Variants in EXOC2 observed in about 807,000 individuals in gnomAD.
EXOC2 encodes the protein SEC5-like 1.
A neutral mutation model predicts 131.8 loss-of-function variants in EXOC2; 70 were observed. The observed-to-expected ratio is 0.53, with a 90% CI of 0.44 to 0.65. The LOEUF (loss-of-function observed/expected upper bound fraction) is 0.65, where lower values mean the gene tolerates loss of function less well. EXOC2 is among the 30% of genes least tolerant of loss of function. The probability of loss-of-function intolerance (pLI) is 0.00; values close to 1 mark genes in which losing one functional copy is unlikely to be tolerated. For synonymous variants in EXOC2, 411 were observed against 398.4 expected (o/e 1.03, Z -0.38); for missense variants, 923 against 1,108.6 (o/e 0.83, Z 2.38).
At chr6:651,978 C>T (rs55762904) in intron 1 of EXOC2, among the ~76,000 whole-genome samples, 2,685 of 151,688 alleles carry the variant, frequency 0.018, 35 homozygotes, top group Non-Finnish European at 0.026. Context: ...ATCGCTTGAA[C>T]CCGGGAGGCG....
intron 25 of EXOC2, among the ~76,000 whole-genome samples, chr6:495,332 G>C (rs1345348892): frequency 6.6e-6 from 1 of 151,222 alleles, no homozygotes; most frequent in Non-Finnish European, 1.5e-5. Context: ...CACCGTGTTA[G>C]CCAGGATGGT....
At chr6:634,154 C>T (rs1761988799) in intron 2 of EXOC2, among the ~76,000 whole-genome samples, 1 of 152,138 alleles carries the variant, frequency 6.6e-6, no homozygotes, top group African/African-American at 2.4e-5. Context: ...CAACCTCCAT[C>T]TCCCACGCTC....
At chr6:516,363 G>C (rs544412147) in intron 23 of EXOC2, among the ~76,000 whole-genome samples, 6 of 152,190 alleles carry the variant, frequency 3.9e-5, no homozygotes, top group Non-Finnish European at 8.8e-5. Context: ...TGCAGCGCTC[G>C]TTGTCAGCTT....
chr6:504,465 C>T (rs140475305), intron 23 of EXOC2, among the ~76,000 whole-genome samples: 295 of 152,312 alleles, frequency 1.9e-3, no homozygotes, highest in African/African-American at 6.6e-3. Flanking sequence ...GGGCCAGTGA[C>T]GGTGACAGAG....
chr6:574,372 CA>C (rs1758464736), intron 12 of EXOC2, among the ~76,000 whole-genome samples: 1 of 151,860 alleles, frequency 6.6e-6, no homozygotes, highest in South Asian at 2.1e-4. Context: ...CATCAATGAA[CA>C]AACAAACATA....
chr6:603,725 T>G (rs1561913676), intron 7 of EXOC2, among the ~76,000 whole-genome samples: 1 of 152,226 alleles, frequency 6.6e-6, no homozygotes, highest in African/African-American at 2.4e-5. Context: ...TTCCAAATCC[T>G]TAGCATTCTT....
At chr6:607,422 T>C (rs1760479359) in intron 7 of EXOC2, among the ~76,000 whole-genome samples, 1 of 152,190 alleles carries the variant, frequency 6.6e-6, no homozygotes, top group Non-Finnish European at 1.5e-5. Context: ...GAGGACTAAA[T>C]ATACCTAGAT....
intron 22 of EXOC2, among the ~76,000 whole-genome samples, chr6:544,377 T>C (rs368270522): frequency 3.3e-5 from 5 of 152,178 alleles, no homozygotes; most frequent in African/African-American, 9.7e-5. Flanking sequence ...CCTTCCTGTT[T>C]GAACAAGAAA....
At chr6:601,094 A>G (rs1282471485) in intron 7 of EXOC2, among the ~76,000 whole-genome samples, 2 of 152,224 alleles carry the variant, frequency 1.3e-5, no homozygotes, top group Admixed American at 1.3e-4. Flanking sequence ...GCTACTAATA[A>G]GAAAACAAAA....
In EXOC2 at chr6:516,716, G is replaced by GTA. The variant is rs1482301398; in HGVS notation, c.2380+15751_2380+15752dup. On this transcript the variant is annotated intron_variant, in intron 23 of 27. Transcript: ENST00000230449. ...TACGCAAGTATCTGTCACTATCTGTGTACCACAGGGCACACAGCTGTGAAG... is the reference window on the plus strand; with the variant it reads ...TACGCAAGTATCTGTCACTATCTGTGTATACCACAGGGCACACAGCTGTGAAG... Among the ~76,000 whole-genome samples the GTA allele has an allele frequency of 2.6e-5, 4 of 152,346 alleles. No individual in the cohort carries two copies. In the East Asian group the frequency reaches 7.7e-4, roughly 29 times the overall value.
chr6:564,505 A>T (rs767496879), intron 15 of EXOC2, 40 bp downstream of exon 15: 27 of 1,606,792 alleles, frequency 1.7e-5, no homozygotes, highest in African/African-American at 2.7e-5. Flanking sequence ...GTTAAAAAAA[A>T]CAGAAGTACG....
rs189192678 is a variant in EXOC2, at chr6:631,082, C to T, written c.296-1121G>A. On this transcript the variant is annotated intron_variant, in intron 3 of 27. Coordinates refer to ENST00000230449, the MANE Select transcript of EXOC2 (RefSeq NM_018303.6). ...CACAGACAAAGCGTGCCTGCCTCCCCAGGCGAGGATCAGAAGGCTTCATGG... is the reference window on the plus strand; with the variant it reads ...CACAGACAAAGCGTGCCTGCCTCCCTAGGCGAGGATCAGAAGGCTTCATGG... 7.7e-4 allele frequency among the ~76,000 whole-genome samples: 117 copies of T among 152,326 alleles called. No homozygotes were observed. The East Asian group carries it at 0.019, about 25-fold the overall frequency.
intron 1 of EXOC2, chr6:656,579 C>G (rs1292819798): frequency 6.3e-6 from 10 of 1,592,414 alleles, no homozygotes; most frequent in African/African-American, 2.7e-5. Flanking sequence ...GAGCGCGGCC[C>G]AGGGACGAGA....
intron 3 of EXOC2, 57 bp downstream of exon 3, chr6:632,884 T>C: frequency 6.5e-7 from 1 of 1,532,510 alleles, no homozygotes; most frequent in Non-Finnish European, 8.8e-7. Flanking sequence ...CTTTACAGCT[T>C]AAAAGACAAA....
At chr6:613,464 A>C (rs1760819421) in intron 6 of EXOC2, among the ~76,000 whole-genome samples, 1 of 149,390 alleles carries the variant, frequency 6.7e-6, no homozygotes, top group Non-Finnish European at 1.5e-5. Context: ...AGAAAGAAAA[A>C]AACAACAAAA....
chr6:622,174 T>C (rs927805747), intron 4 of EXOC2, among the ~76,000 whole-genome samples: 1 of 152,224 alleles, frequency 6.6e-6, no homozygotes, highest in Admixed American at 6.5e-5. Flanking sequence ...CATGTTTCTG[T>C]CGACCTTCCT....
intron 23 of EXOC2, among the ~76,000 whole-genome samples, chr6:523,504 A>C (rs1427538842): frequency 6.6e-6 from 1 of 152,264 alleles, no homozygotes; most frequent in Non-Finnish European, 1.5e-5. Context: ...CTATCTGTAC[A>C]TGAAGTATTT....
intron 23 of EXOC2, among the ~76,000 whole-genome samples, chr6:525,845 C>T (rs1765705964): frequency 6.6e-6 from 1 of 152,122 alleles, no homozygotes; most frequent in African/African-American, 2.4e-5. Context: ...CCTTAATCAA[C>T]ATTTTCTACC....
chr6:577,810 G>A (rs1758666770), intron 11 of EXOC2, among the ~76,000 whole-genome samples: 1 of 152,128 alleles, frequency 6.6e-6, no homozygotes, highest in Non-Finnish European at 1.5e-5. Context: ...CTACTGGAAA[G>A]GCCTCACTCA....
Sources: allele counts gnomAD v4.1 joint callset (sites outside exome capture counted in the v4.1 genomes callset), GRCh38; gene constraint gnomAD v4.1.1; transcripts MANE v1.5; gene names NCBI Gene and HGNC (gene_info 2026-07-23, HGNC 2026-07-21).